The following LOC112694756 variants were observed in gnomAD, a reference collection of about 807,000 sequenced individuals.
the LOC112694756 span, chr16:30,067,113 T>TG: frequency 1.9e-6 from 3 of 1,572,332 alleles, no homozygotes; most frequent in South Asian, 3.4e-5. Flanking sequence ...CAGGGCCTGC[T>TG]GGGTGTGGGG....
At chr16:30,068,445 G>C in the LOC112694756 span, 1 of 663,856 alleles carries the variant, frequency 1.5e-6, no homozygotes, top group East Asian at 2.8e-5. Context: ...AAGTAAATGT[G>C]GGGGAAGACT....
At chr16:30,068,062 ATT>A in the LOC112694756 span, 4,420 of 175,680 alleles carry the variant, frequency 0.025, no homozygotes, top group South Asian at 0.068. Context: ...TTTTAAGTAA[ATT>A]TTTTTTTTTT....
chr16:30,063,045 G>A, the LOC112694756 span, among the ~76,000 whole-genome samples: 1 of 151,638 alleles, frequency 6.6e-6, no homozygotes, highest in African/African-American at 2.4e-5. Context: ...TCAGAAGGCT[G>A]AGGCAGAACT....
At chr16:30,054,164 A>G in the LOC112694756 span, among the ~76,000 whole-genome samples, 17 of 152,094 alleles carry the variant, frequency 1.1e-4, no homozygotes, top group Admixed American at 1.0e-3. Flanking sequence ...TACTAAAAAT[A>G]CAAACATTAG....
At chr16:30,065,770 T>G in the LOC112694756 span, 2 of 152,646 alleles carry the variant, frequency 1.3e-5, no homozygotes, top group Non-Finnish European at 2.9e-5. Flanking sequence ...GCCCGCCTCC[T>G]GCGCCGCCCC....
chr16:30,057,162 G>C, the LOC112694756 span, among the ~76,000 whole-genome samples: 1 of 151,084 alleles, frequency 6.6e-6, no homozygotes, highest in Non-Finnish European at 1.5e-5. Context: ...TGCCTGCCTC[G>C]GCCTCCTAAA....
the LOC112694756 span, chr16:30,068,571 C>G: frequency 2.6e-6 from 4 of 1,537,400 alleles, no homozygotes; most frequent in Non-Finnish European, 3.6e-6. Flanking sequence ...CCACTGTACT[C>G]CAGCCGGGGC....
the LOC112694756 span, chr16:30,055,291 C>G: frequency 1.3e-5 from 5 of 399,244 alleles, no homozygotes; most frequent in East Asian, 1.8e-4. Context: ...GCCCGGCCCA[C>G]TTCCTGGATG....
the LOC112694756 span, chr16:30,069,704 C>G: frequency 1.2e-6 from 2 of 1,612,594 alleles, no homozygotes; most frequent in African/African-American, 2.7e-5. Flanking sequence ...GATCTCTATG[C>G]AGTAGATAAG....
the LOC112694756 span, chr16:30,068,915 C>G: frequency 9.3e-6 from 15 of 1,614,138 alleles, no homozygotes; most frequent in Non-Finnish European, 1.2e-5. Flanking sequence ...AACACACCCC[C>G]TCAGCCCTCG....
At chr16:30,054,666 C>G in the LOC112694756 span, 1 of 397,882 alleles carries the variant, frequency 2.5e-6, no homozygotes, top group South Asian at 1.4e-4. Context: ...TGTTGACGCT[C>G]TCCCCACCAT....
the LOC112694756 span, among the ~76,000 whole-genome samples, chr16:30,059,929 C>T: frequency 1.3e-5 from 2 of 152,028 alleles, no homozygotes; most frequent in Admixed American, 1.3e-4. Flanking sequence ...GTTCCTTCCA[C>T]CGATTCCCGA....
chr16:30,069,286 C>T, the LOC112694756 span: 2 of 1,613,890 alleles, frequency 1.2e-6, no homozygotes, highest in Admixed American at 3.3e-5. Flanking sequence ...CTCACAGTGA[C>T]CCTGTCCCTC....
chr16:30,063,951 G>C, the LOC112694756 span: 1 of 398,942 alleles, frequency 2.5e-6, no homozygotes, highest in East Asian at 3.6e-5. Context: ...GGCCTGCCGA[G>C]CACCCAGGCC....
the LOC112694756 span, chr16:30,069,120 A>G: frequency 7.0e-7 from 1 of 1,426,020 alleles, no homozygotes; most frequent in Non-Finnish European, 9.7e-7. Context: ...AGGGCTGTTG[A>G]AGGCAGAGGG....
chr16:30,066,977 T>C, the LOC112694756 span: 1 of 1,555,948 alleles, frequency 6.4e-7, no homozygotes. Context: ...TTTCCCCCAG[T>C]TGCCAGTGGG....
chr16:30,055,657 C>T, the LOC112694756 span, among the ~76,000 whole-genome samples: 4 of 152,096 alleles, frequency 2.6e-5, no homozygotes, highest in African/African-American at 7.2e-5. Context: ...TTCCGTTCAC[C>T]GAATGAACTG....
At chr16:30,056,934 G>A in the LOC112694756 span, among the ~76,000 whole-genome samples, 490 of 121,966 alleles carry the variant, frequency 4.0e-3, 3 homozygotes, top group African/African-American at 5.4e-3. Context: ...TTTTTGAGAC[G>A]AGTCTTGCTC....
chr16:30,069,347 T>A, the LOC112694756 span: 1 of 1,614,194 alleles, frequency 6.2e-7, no homozygotes, highest in South Asian at 1.1e-5. Context: ...TCCTCCCTGA[T>A]GGGGACCATG....
Sources: gnomAD v4.1 joint callset for allele counts (sites outside exome capture counted in the v4.1 genomes callset) on GRCh38, gnomAD v4.1.1 for gene constraint, MANE v1.5 for transcripts.